Variants in UBR7 observed in about 807,000 individuals in gnomAD.
The protein encoded by UBR7 is ubiquitin protein ligase E3 component n-recognin 7.
UBR7 carries 22 observed loss-of-function variants against 57.0 expected under a neutral mutation model. The observed-to-expected ratio is 0.39, with a 90% confidence interval of 0.28 to 0.55. The LOEUF (loss-of-function observed/expected upper bound fraction) is 0.55, where lower values mean the gene tolerates loss of function less well. Ranked by LOEUF, UBR7 falls within the 20% of genes least tolerant of loss-of-function variation. The pLI is 0.69. For missense variants in UBR7, 395 were observed against 513.2 expected (o/e 0.77, Z 2.23); for synonymous variants, 167 against 179.8 (o/e 0.93, Z 0.57).
At chr14:93,214,473 T>C (rs1460283740) in intron 4 of UBR7, among the ~76,000 whole-genome samples, 3 of 152,262 alleles carry the variant, frequency 2.0e-5, no homozygotes, top group East Asian at 1.9e-4. Context: ...AGAGGAGTTA[T>C]CTATCGAGGT....
intron 4 of UBR7, among the ~76,000 whole-genome samples, chr14:93,212,936 TG>T (rs1234872938): frequency 6.6e-6 from 1 of 152,228 alleles, no homozygotes; most frequent in Non-Finnish European, 1.5e-5. Context: ...TTATGTAGAA[TG>T]GATCGGTATA....
chr14:93,212,817 C>T lies in UBR7; in HGVS notation c.441+690C>T, dbSNP rs968624220. Among the ~76,000 whole-genome samples the T allele has an allele frequency of 1.1e-4, 17 of 152,242 alleles. No homozygotes were observed. The South Asian group carries it at 1.7e-3, about 15-fold the overall frequency. The stretch of plus-strand genomic sequence containing the variant: ...ATTTCATATGCCATAAGTTAGTCAA[C>T]CTGATTGTTCTTCTACAGCAGAATG... On this transcript the variant is annotated intron_variant, in intron 4 of 10. Transcript: ENST00000013070.
intron 1 of UBR7, among the ~76,000 whole-genome samples, chr14:93,208,320 GATC>G (rs1236608374): frequency 1.3e-5 from 2 of 152,082 alleles, no homozygotes; most frequent in Non-Finnish European, 2.9e-5. Flanking sequence ...TATGAACTGA[GATC>G]ATAATACCAG....
intron 8 of UBR7, among the ~76,000 whole-genome samples, chr14:93,219,790 A>G (rs1337301046): frequency 6.6e-6 from 1 of 152,158 alleles, no homozygotes; most frequent in Non-Finnish European, 1.5e-5. Flanking sequence ...AGCCTGACCA[A>G]CATGGTGAAA....
rs557118069 is a variant in UBR7 at position 93,215,391 on chromosome 14, T to C, written c.601+110T>C. On this transcript the variant is annotated intron_variant, in intron 6 of 10. Transcript: ENST00000013070. ...TTAACTGGGCTCTGTGGTTATAAAA[T>C]AGTATATGTTCTGGCCAGGCATGGT... is the stretch of plus-strand genomic sequence containing the variant. The C allele has an allele frequency of 6.6e-4, 670 of 1,012,204 alleles. 11 individuals carry two copies. In the South Asian group the frequency reaches 8.8e-3, roughly 13 times the overall value. The allele number at this position is 1,012,204 out of a possible 1,614,324, so 62.7% of individuals were successfully genotyped here.
chr14:93,219,061 A>C (rs1894651969), intron 7 of UBR7, 151 bp from the exon 8 acceptor site: 2 of 1,039,392 alleles, frequency 1.9e-6, no homozygotes, highest in Non-Finnish European at 2.8e-6. Flanking sequence ...TCTCAAAAAA[A>C]AAAAAGAAAA....
At chr14:93,208,268 A>G (rs1894408479) in intron 1 of UBR7, among the ~76,000 whole-genome samples, 1 of 152,088 alleles carries the variant, frequency 6.6e-6, no homozygotes, top group South Asian at 2.1e-4. Context: ...GTGGATTGGA[A>G]CACTGGGGAG....
At chr14:93,225,352 T>C (rs7156940) in intron 10 of UBR7, among the ~76,000 whole-genome samples, 113,115 of 151,394 alleles carry the variant, frequency 0.75, 42,551 homozygotes, top group East Asian at 0.97. Context: ...TTAGACTGGG[T>C]GCAGTGTCTC....
chr14:93,209,691 T>C, intron 1 of UBR7, 133 bp from the exon 2 acceptor site: 1 of 1,199,322 alleles, frequency 8.3e-7, no homozygotes, highest in Non-Finnish European at 1.2e-6. Flanking sequence ...GTAAACTTTT[T>C]AGTCTTAATG....
Position 93,227,445 on chromosome 14 carries a change from C to T in UBR7, c.*410C>T, listed in dbSNP as rs921234624. 2.1e-5 allele frequency: 14 copies of T among 681,468 alleles called. No individual in the cohort carries two copies. The highest frequency in any genetic ancestry group is 2.9e-5 in the Non-Finnish European group (11 of 373,392). 42.2% of individuals were successfully genotyped at this position (681,468 alleles called of 1,614,324 possible). A position where few individuals can be genotyped will look rare whatever the true frequency, so the allele number is the denominator to read the frequency against. On this transcript the variant is annotated 3_prime_UTR_variant, in exon 11 of 11. Coordinates refer to ENST00000013070, the MANE Select transcript of UBR7 (RefSeq NM_175748.4). ...CAGGCATCACGGAAGGCTCTCTTCC[C>T]GTCACCTAGAACCTCTACAGGTCCC...
intron 9 of UBR7, among the ~76,000 whole-genome samples, chr14:93,221,985 C>T (rs1365740934): frequency 6.6e-6 from 1 of 151,906 alleles, no homozygotes; most frequent in African/African-American, 2.4e-5. Context: ...ATTAAATATT[C>T]AACAAGTCCA....
chr14:93,221,787 GC>G (rs1894712127), intron 9 of UBR7, among the ~76,000 whole-genome samples: 1 of 151,634 alleles, frequency 6.6e-6, no homozygotes, highest in South Asian at 2.1e-4. Flanking sequence ...TTCAAGACCA[GC>G]CTGGCTGACG....
Position 93,209,102 on chromosome 14 carries a change from C to T in UBR7, c.151-722C>T, listed in dbSNP as rs147738548. 2.2e-3 allele frequency among the ~76,000 whole-genome samples: 332 copies of T among 152,300 alleles called. 4 individuals are homozygous for T. The highest frequency in any genetic ancestry group is 7.7e-3 in the African/African-American group (320 of 41,548). On this transcript the variant is annotated intron_variant, in intron 1 of 10. Transcript: ENST00000013070. ...TGCTGGGATTACAGGCGTGAGCCAC[C>T]GTGCCCAGCCTACATATTCACTTTT...
At position 93,218,675 on chromosome 14, in the gene UBR7, G is replaced by C; in HGVS notation, c.750G>C (p.Glu250Asp). 1 of 1,614,140 alleles carries C rather than the reference G, an allele frequency of 6.2e-7. No homozygotes were observed. Among genetic ancestry groups the C allele is most frequent in the Non-Finnish European group, 8.5e-7 (1 of 1,180,036 alleles). The change falls in exon 7 of 11, where the codon GAG (glutamate) becomes GAC (aspartate). Residue 250 changes from glutamate to aspartate, a missense_variant. Coordinates refer to ENST00000013070, the MANE Select transcript of UBR7 (RefSeq NM_175748.4). ...VPEQGKDDVR[E>D]VKVEQNSEPC... ...AACAGGGAAAGGATGATGTCCGGGA[G>C]GTTAAAGTAGAGCAGAACAGTGAAC...
At chr14:93,209,766 G>T in intron 1 of UBR7, 58 bp from the exon 2 acceptor site, 1 of 1,588,938 alleles carries the variant, frequency 6.3e-7, no homozygotes, top group Admixed American at 1.7e-5. Flanking sequence ...TCCTAGTGTG[G>T]GTATTAGGTA....
At chr14:93,216,247 T>C (rs1477258526) in intron 6 of UBR7, among the ~76,000 whole-genome samples, 2 of 152,190 alleles carry the variant, frequency 1.3e-5, no homozygotes, top group African/African-American at 4.8e-5. Context: ...TGTTTCACCA[T>C]GTTGCCCAGG....
At chr14:93,222,105 C>CT (rs746135012) in intron 9 of UBR7, among the ~76,000 whole-genome samples, 1,695 of 135,532 alleles carry the variant, frequency 0.013, 19 homozygotes, top group East Asian at 0.024. Flanking sequence ...AAAAATTTTG[C>CT]TTTTTTTTTT....
At chr14:93,221,977 T>A (rs1173965660) in intron 9 of UBR7, among the ~76,000 whole-genome samples, 1 of 151,996 alleles carries the variant, frequency 6.6e-6, no homozygotes, top group Non-Finnish European at 1.5e-5. Context: ...TAAATTAAAT[T>A]AAATATTCAA....
chr14:93,213,249 C>G (rs949741136), intron 4 of UBR7, among the ~76,000 whole-genome samples: 1 of 152,152 alleles, frequency 6.6e-6, no homozygotes, highest in East Asian at 1.9e-4. Flanking sequence ...TTTTGTCAAC[C>G]TTGCATATTA....
Sources: allele counts gnomAD v4.1 joint callset (sites outside exome capture counted in the v4.1 genomes callset), GRCh38; gene constraint gnomAD v4.1.1; transcripts MANE v1.5; gene names NCBI Gene and HGNC (gene_info 2026-07-23, HGNC 2026-07-21).